Variants in LRRIQ1 observed in about 807,000 individuals in gnomAD.
LRRIQ1 encodes leucine rich repeats and IQ motif containing 1.
LRRIQ1 carries 210 observed loss-of-function variants against 211.9 expected under a neutral mutation model. The observed-to-expected ratio is 0.99, with a 90% CI of 0.89 to 1.11. The LOEUF (loss-of-function observed/expected upper bound fraction) is 1.11. Among genes scored for constraint, LRRIQ1 ranks in the 50% most tolerant of loss-of-function variants. The pLI is 0.00. For missense variants in LRRIQ1, 2,136 were observed against 1,939.5 expected, an observed-to-expected ratio of 1.10 and a Z score of -1.90; for synonymous variants, 699 against 650.1, an observed-to-expected ratio of 1.08 and a Z score of -1.14.
intron 14 of LRRIQ1, among the ~76,000 whole-genome samples, chr12:85,104,830 A>G (rs937271157): frequency 5.3e-5 from 8 of 152,184 alleles, no homozygotes; most frequent in African/African-American, 7.2e-5. Flanking sequence ...GTTGGATAAT[A>G]GAGTAGGTGT....
intron 23 of LRRIQ1, among the ~76,000 whole-genome samples, chr12:85,156,065 G>T (rs1030886136): frequency 6.6e-6 from 1 of 151,486 alleles, no homozygotes; most frequent in African/African-American, 2.4e-5. Context: ...TAACATTTTG[G>T]GTTAGGTTAA....
intron 1 of LRRIQ1, among the ~76,000 whole-genome samples, chr12:85,250,845 TATA>T (rs1895894881): frequency 9.0e-6 from 1 of 110,836 alleles, no homozygotes; most frequent in Non-Finnish European, 1.7e-5. Context: ...TATATTATAT[TATA>T]TATAATATAT....
chr12:85,066,770 A>G lies in LRRIQ1; in HGVS notation c.2567A>G (p.Glu856Gly), dbSNP rs768613023. 6.3e-7 allele frequency: 1 copy of G among 1,594,934 alleles called. No individual in the cohort carries two copies. The highest frequency in any genetic ancestry group is 8.5e-7 in the Non-Finnish European group (1 of 1,172,478). ...DAQENHIEAI[E>G]CENLENLCVV... ...CAGGAAAACCATATTGAGGCTATTG[A>G]GTGTGAAAATTTGGAAAATCTCTGT... The change falls in exon 10 of 27, where the codon GAG (glutamate) becomes GGG (glycine). Residue 856 changes from glutamate (E) to glycine (G), a missense_variant. Coordinates refer to ENST00000393217, the MANE Select transcript of LRRIQ1 (RefSeq NM_001079910.2).
chr12:85,199,152 A>G (rs77855676), intron 24 of LRRIQ1, among the ~76,000 whole-genome samples: 55 of 152,142 alleles, frequency 3.6e-4, no homozygotes, highest in African/African-American at 1.0e-3. Flanking sequence ...TTTTGTTGCA[A>G]TTGTTTTTGG....
At chr12:85,222,190 G>A (rs1894435543) in intron 24 of LRRIQ1, among the ~76,000 whole-genome samples, 1 of 152,082 alleles carries the variant, frequency 6.6e-6, no homozygotes, top group Non-Finnish European at 1.5e-5. Context: ...AGTATCTGTT[G>A]GATATATGTG....
chr12:85,153,916 A>G (rs1436787195), intron 22 of LRRIQ1, 96 bp from the exon 23 acceptor site: 5 of 972,778 alleles, frequency 5.1e-6, no homozygotes, highest in Non-Finnish European at 7.5e-6. Flanking sequence ...TTATTTTAGT[A>G]TGCTATAATT....
intron 3 of LRRIQ1, among the ~76,000 whole-genome samples, chr12:85,042,550 G>A (rs981989967): frequency 6.8e-6 from 1 of 148,006 alleles, no homozygotes; most frequent in East Asian, 2.0e-4. Flanking sequence ...TGAATTTATT[G>A]AAATTTAATT....
chr12:85,117,888 CTG>C (rs1887695541), intron 15 of LRRIQ1, among the ~76,000 whole-genome samples: 2 of 152,206 alleles, frequency 1.3e-5, no homozygotes, highest in South Asian at 4.1e-4. Context: ...GAAAACTTGA[CTG>C]AGTAATTTTA....
At chr12:85,111,170 G>A (rs1887145863) in intron 15 of LRRIQ1, among the ~76,000 whole-genome samples, 1 of 152,092 alleles carries the variant, frequency 6.6e-6, no homozygotes, top group African/African-American at 2.4e-5. Flanking sequence ...CTTCCATTTT[G>A]TAGACCTGTT....
chr12:85,215,813 A>G (rs917806901), intron 24 of LRRIQ1, among the ~76,000 whole-genome samples: 1 of 152,224 alleles, frequency 6.6e-6, no homozygotes, highest in Non-Finnish European at 1.5e-5. Context: ...AACCGTATCT[A>G]TACACAGCAA....
At chr12:85,210,394 A>C (rs1018092099) in intron 24 of LRRIQ1, among the ~76,000 whole-genome samples, 7 of 152,246 alleles carry the variant, frequency 4.6e-5, no homozygotes, top group African/African-American at 1.7e-4. Flanking sequence ...CTGCAAAAGG[A>C]TGATAAAACA....
At chr12:85,166,026 T>A (rs1455742077) in intron 24 of LRRIQ1, among the ~76,000 whole-genome samples, 1 of 151,868 alleles carries the variant, frequency 6.6e-6, no homozygotes, top group East Asian at 1.9e-4. Flanking sequence ...ACATTTTGAA[T>A]CACATGTTTT....
chr12:85,187,656 A>C (rs543471701), intron 24 of LRRIQ1, among the ~76,000 whole-genome samples: 84 of 150,794 alleles, frequency 5.6e-4, no homozygotes, highest in Middle Eastern at 6.8e-3. Context: ...AAAATACAAA[A>C]AAAATAGCTG....
chr12:85,124,565 C>G (rs1434977666), intron 17 of LRRIQ1, 46 bp downstream of exon 17: 1 of 1,397,250 alleles, frequency 7.2e-7, no homozygotes, highest in Non-Finnish European at 1.0e-6. Flanking sequence ...ATGTTTACTC[C>G]TTTTGATGGA....
chr12:85,225,556 G>A (rs890965418), intron 24 of LRRIQ1, among the ~76,000 whole-genome samples: 1 of 152,138 alleles, frequency 6.6e-6, no homozygotes, highest in African/African-American at 2.4e-5. Flanking sequence ...TTAAGGTTGT[G>A]TTTTGAAGTA....
At chr12:85,143,407 G>T (rs1355032352) in intron 19 of LRRIQ1, among the ~76,000 whole-genome samples, 4 of 151,654 alleles carry the variant, frequency 2.6e-5, no homozygotes, top group Non-Finnish European at 5.9e-5. Flanking sequence ...TATGTAGGTT[G>T]TCTCTTCATT....
chr12:85,196,410 T>C (rs1434105368), intron 24 of LRRIQ1, among the ~76,000 whole-genome samples: 1 of 151,980 alleles, frequency 6.6e-6, no homozygotes, highest in African/African-American at 2.4e-5. Flanking sequence ...GGCATCACAC[T>C]ACCTAACTTC....
intron 24 of LRRIQ1, among the ~76,000 whole-genome samples, chr12:85,161,125 G>A (rs1302111716): frequency 1.3e-5 from 2 of 151,802 alleles, no homozygotes; most frequent in Admixed American, 6.6e-5. Context: ...ATTATACTCT[G>A]GAATTTAAAA....
chr12:85,121,819 G>C lies in LRRIQ1; in HGVS notation c.3500G>C (p.Cys1167Ser). 1 of 1,607,404 alleles carries C rather than the reference G, an allele frequency of 6.2e-7. No homozygotes were observed. The highest frequency in any genetic ancestry group is 8.5e-7 in the Non-Finnish European group (1 of 1,176,880). ...QLGSAGFLALCQSQIREFNLL... is the reference protein window; with the variant it reads ...QLGSAGFLALSQSQIREFNLL... Reference sequence around the variant, plus strand: ...GGATCAGCAGGTTTCCTGGCACTTTGTCAGTCTCAGATTCGAGAATTCAAC... The same window carrying C: ...GGATCAGCAGGTTTCCTGGCACTTTCTCAGTCTCAGATTCGAGAATTCAAC... The change falls in exon 16 of 27, where the codon TGT (cysteine) becomes TCT (serine). Residue 1167 changes from cysteine (C) to serine (S), a missense_variant. Coordinates refer to ENST00000393217, the MANE Select transcript of LRRIQ1 (RefSeq NM_001079910.2).
Sources: gnomAD v4.1 joint callset for allele counts (sites outside exome capture counted in the v4.1 genomes callset) on GRCh38, gnomAD v4.1.1 for gene constraint, MANE v1.5 for transcripts, NCBI Gene and HGNC (gene_info 2026-07-23, HGNC 2026-07-21) for gene names.